DTD1: variants seen among roughly 807,000 people sequenced by gnomAD.
DTD1 encodes the protein D-aminoacyl-tRNA deacylase 1, also known as D-tyrosyl-tRNA deacylase 1 homolog.
In DTD1, 13 loss-of-function variants were observed where a neutral mutation model predicts 25.6. That is an observed-to-expected ratio of 0.51 (90% CI 0.33 to 0.81). The LOEUF is 0.81. Ranked by LOEUF, DTD1 falls within the 30% of genes least tolerant of loss-of-function variation. The probability of loss-of-function intolerance (pLI) is 0.02; values close to 1 mark genes in which losing one functional copy is unlikely to be tolerated. For missense variants in DTD1, 193 were observed against 266.4 expected (o/e 0.72, Z 1.92); for synonymous variants, 110 against 103.6 (o/e 1.06, Z -0.37).
chr20:18,736,395 G>A (rs1241240582), intron 4 of DTD1, among the ~76,000 whole-genome samples: 2 of 152,178 alleles, frequency 1.3e-5, no homozygotes, highest in East Asian at 1.9e-4. Context: ...TGCGCCCTCT[G>A]CCTCATTAGT....
chr20:18,663,778 C>T (rs2060920613), intron 4 of DTD1, among the ~76,000 whole-genome samples: 1 of 152,180 alleles, frequency 6.6e-6, no homozygotes, highest in South Asian at 2.1e-4. Flanking sequence ...AGAAAAGGCA[C>T]CTCTTCACAG....
At chr20:18,666,081 T>A (rs2060930386) in intron 4 of DTD1, among the ~76,000 whole-genome samples, 1 of 152,208 alleles carries the variant, frequency 6.6e-6, no homozygotes, top group African/African-American at 2.4e-5. Flanking sequence ...ATCTGCCACA[T>A]TGCATTTTGT....
intron 4 of DTD1, among the ~76,000 whole-genome samples, chr20:18,722,191 C>G (rs1000078053): frequency 2.0e-5 from 3 of 152,230 alleles, no homozygotes; most frequent in Non-Finnish European, 4.4e-5. Flanking sequence ...TTTGGCATGG[C>G]TGCATGTTCT....
At chr20:18,688,654 A>G (rs746860286) in intron 4 of DTD1, among the ~76,000 whole-genome samples, 9 of 152,132 alleles carry the variant, frequency 5.9e-5, no homozygotes, top group Non-Finnish European at 1.2e-4. Flanking sequence ...GGAACGACCC[A>G]TCTTTCTATA....
chr20:18,607,473 A>T (rs1257300215), intron 3 of DTD1, among the ~76,000 whole-genome samples: 1 of 151,692 alleles, frequency 6.6e-6, no homozygotes. Context: ...TAATTTCTTT[A>T]TCTGGTTTCG....
rs527693566 is a variant in DTD1, at chr20:18,615,565, A to G, written c.371-12562A>G. ...AGCATGTATTGCTTTTATAGTTAGA[A>G]AAAAAACAAGTTATACCAAAATGGA... On this transcript the variant is annotated intron_variant, in intron 3 of 5. Transcript: ENST00000377452. Among the ~76,000 whole-genome samples the G allele has an allele frequency of 3.9e-5, 6 of 152,302 alleles. No homozygotes were observed. The South Asian group carries it at 1.0e-3, about 26-fold the overall frequency.
chr20:18,625,968 T>C (rs1471306347), intron 3 of DTD1, among the ~76,000 whole-genome samples: 1 of 152,252 alleles, frequency 6.6e-6, no homozygotes. Flanking sequence ...GAGCAGCGAA[T>C]GTGGGCTTGC....
chr20:18,634,160 G>A (rs2060798763), intron 4 of DTD1, among the ~76,000 whole-genome samples: 1 of 152,170 alleles, frequency 6.6e-6, no homozygotes, highest in African/African-American at 2.4e-5. Context: ...TTCCATTGGT[G>A]GCTAGATATT....
chr20:18,646,615 C>A (rs569004110), intron 4 of DTD1, among the ~76,000 whole-genome samples: 1 of 152,124 alleles, frequency 6.6e-6, no homozygotes, highest in Non-Finnish European at 1.5e-5. Flanking sequence ...TTGGTGTTTT[C>A]GTGTGTCAGG....
At chr20:18,759,737 A>ACT (rs2061353835) in intron 5 of DTD1, among the ~76,000 whole-genome samples, 1 of 152,180 alleles carries the variant, frequency 6.6e-6, no homozygotes, top group Non-Finnish European at 1.5e-5. Flanking sequence ...CTCGAGCAGT[A>ACT]TCTTTGTGGC....
intron 4 of DTD1, among the ~76,000 whole-genome samples, chr20:18,732,418 A>G (rs1156985332): frequency 6.6e-6 from 1 of 152,232 alleles, no homozygotes; most frequent in Non-Finnish European, 1.5e-5. Flanking sequence ...TGTAGAATCA[A>G]TAGGTGCTGA....
intron 3 of DTD1, among the ~76,000 whole-genome samples, chr20:18,611,762 C>A (rs543545534): frequency 1.3e-5 from 2 of 152,222 alleles, no homozygotes; most frequent in African/African-American, 4.8e-5. Context: ...GGTAATATAA[C>A]CCCAAGCTCT....
chr20:18,704,075 A>G (rs2061116208), intron 4 of DTD1, among the ~76,000 whole-genome samples: 2 of 148,320 alleles, frequency 1.3e-5, no homozygotes. Flanking sequence ...ATCTTGGCTC[A>G]CTGCAAGCTC....
chr20:18,696,255 A>G (rs2061075684), intron 4 of DTD1, among the ~76,000 whole-genome samples: 1 of 152,090 alleles, frequency 6.6e-6, no homozygotes, highest in African/African-American at 2.4e-5. Flanking sequence ...CACCTCTCAG[A>G]CACTAATGTC....
At chr20:18,739,566 A>G (rs2061269074) in intron 4 of DTD1, among the ~76,000 whole-genome samples, 1 of 152,200 alleles carries the variant, frequency 6.6e-6, no homozygotes, top group African/African-American at 2.4e-5. Context: ...AAACAAGCAA[A>G]CAGACAAAAA....
chr20:18,594,052 G>T (rs1314178722), intron 2 of DTD1, among the ~76,000 whole-genome samples: 2 of 152,198 alleles, frequency 1.3e-5, no homozygotes, highest in South Asian at 4.1e-4. Context: ...TCCCCTGTCT[G>T]TTTGCTACTG....
At chr20:18,759,920 G>C in intron 5 of DTD1, among the ~76,000 whole-genome samples, 1 of 152,158 alleles carries the variant, frequency 6.6e-6, no homozygotes, top group East Asian at 1.9e-4. Flanking sequence ...ATTTCTTGGA[G>C]GTTTTGTTCG....
intron 4 of DTD1, among the ~76,000 whole-genome samples, chr20:18,695,382 A>G (rs894785562): frequency 2.8e-5 from 2 of 70,334 alleles, no homozygotes; most frequent in African/African-American, 1.1e-4. Context: ...CATCCCTTCC[A>G]TAAGGGAAAT....
At chr20:18,690,645 A>T (rs2061042219) in intron 4 of DTD1, among the ~76,000 whole-genome samples, 1 of 152,082 alleles carries the variant, frequency 6.6e-6, no homozygotes, top group African/African-American at 2.4e-5. Context: ...TGAAGATCAG[A>T]TGGTTGTAGG....
Sources: allele counts gnomAD v4.1 joint callset (sites outside exome capture counted in the v4.1 genomes callset), GRCh38; gene constraint gnomAD v4.1.1; transcripts MANE v1.5; gene names NCBI Gene and HGNC (gene_info 2026-07-23, HGNC 2026-07-21).